GRID1: variants seen among roughly 807,000 people sequenced by gnomAD.
GRID1 encodes glutamate ionotropic receptor delta type subunit 1, also known as glutamate receptor ionotropic, delta-1.
GRID1 carries 28 observed loss-of-function variants against 98.0 expected under a neutral mutation model. That is an observed-to-expected ratio of 0.29 (90% CI 0.21 to 0.39). The LOEUF is 0.39. Among genes scored for constraint, GRID1 ranks in the 10% least tolerant of loss-of-function variants. GRID1 has a pLI of 1.00. For synonymous variants in GRID1, 553 were observed against 538.5 expected (o/e 1.03, Z -0.37); for missense variants, 1,111 against 1,340.5 (o/e 0.83, Z 2.67).
At chr10:85,716,866 T>C (rs1194264412) in intron 12 of GRID1, among the ~76,000 whole-genome samples, 1 of 152,092 alleles carries the variant, frequency 6.6e-6, no homozygotes, top group East Asian at 1.9e-4. Context: ...AGACACATAC[T>C]GAATGCTCTC....
At chr10:85,844,317 G>A (rs1372269854) in intron 8 of GRID1, among the ~76,000 whole-genome samples, 1 of 151,964 alleles carries the variant, frequency 6.6e-6, no homozygotes, top group Non-Finnish European at 1.5e-5. Context: ...GGTCATAAAA[G>A]AGAAAATGGG....
At chr10:86,250,148 G>A (rs1449815522) in intron 2 of GRID1, among the ~76,000 whole-genome samples, 3 of 152,156 alleles carry the variant, frequency 2.0e-5, no homozygotes, top group African/African-American at 4.8e-5. Context: ...ATAAAGAAGA[G>A]GCAAAGGCAA....
intron 2 of GRID1, among the ~76,000 whole-genome samples, chr10:86,267,735 G>T (rs1478898151): frequency 6.6e-6 from 1 of 152,116 alleles, no homozygotes; most frequent in East Asian, 1.9e-4. Context: ...CTTACTCCTG[G>T]CCCTGCCCAG....
chr10:85,706,849 C>A (rs1268573409), intron 12 of GRID1, among the ~76,000 whole-genome samples: 1 of 152,126 alleles, frequency 6.6e-6, no homozygotes, highest in African/African-American at 2.4e-5. Context: ...CTGACAAAAA[C>A]AAGTAATGGG....
chr10:86,187,343 A>T (rs1845739398), intron 3 of GRID1, among the ~76,000 whole-genome samples: 2 of 152,206 alleles, frequency 1.3e-5, no homozygotes, highest in African/African-American at 4.8e-5. Context: ...TATGATGTAG[A>T]CGCCTACAGG....
At chr10:85,756,978 C>T (rs975625836) in intron 8 of GRID1, among the ~76,000 whole-genome samples, 1 of 152,148 alleles carries the variant, frequency 6.6e-6, no homozygotes, top group Non-Finnish European at 1.5e-5. Context: ...GATTAATGAC[C>T]GCCTTTTGGA....
chr10:85,647,803 C>T (rs1843215487), intron 12 of GRID1: 1 of 159,970 alleles, frequency 6.3e-6, no homozygotes. Context: ...ATCTCCAACT[C>T]AGACGCCTGC....
chr10:85,754,736 AGGCT>A (rs967595966), intron 8 of GRID1, among the ~76,000 whole-genome samples: 21 of 152,272 alleles, frequency 1.4e-4, no homozygotes, highest in Middle Eastern at 3.4e-3. Flanking sequence ...TAATAAATAG[AGGCT>A]GGGTTTGGGG....
chr10:85,895,492 A>G (rs1159716973), intron 5 of GRID1, among the ~76,000 whole-genome samples: 1 of 151,998 alleles, frequency 6.6e-6, no homozygotes, highest in Non-Finnish European at 1.5e-5. Context: ...ATCACCTTGG[A>G]CTCTAAGCCA....
At chr10:85,761,365 T>C (rs1293480660) in intron 8 of GRID1, among the ~76,000 whole-genome samples, 1 of 152,160 alleles carries the variant, frequency 6.6e-6, no homozygotes, top group African/African-American at 2.4e-5. Context: ...GAGGAGAAAT[T>C]GACTCCTGGA....
chr10:85,770,113 C>T (rs2132709522), intron 8 of GRID1, among the ~76,000 whole-genome samples: 1 of 152,314 alleles, frequency 6.6e-6, no homozygotes, highest in Non-Finnish European at 1.5e-5. Context: ...CGGCCGGGTA[C>T]TCCTCTGAAA....
At chr10:85,833,828 C>G (rs1842890480) in intron 8 of GRID1, among the ~76,000 whole-genome samples, 1 of 150,294 alleles carries the variant, frequency 6.7e-6, no homozygotes, top group African/African-American at 2.5e-5. Flanking sequence ...TATAGAATAA[C>G]TAAAACGAAA....
intron 3 of GRID1, among the ~76,000 whole-genome samples, chr10:86,200,305 T>C (rs1247104122): frequency 6.6e-6 from 1 of 152,200 alleles, no homozygotes; most frequent in African/African-American, 2.4e-5. Flanking sequence ...AGGAAGCTCT[T>C]CCTAACCACC....
chr10:85,745,777 A>G (rs1169284686), intron 8 of GRID1, among the ~76,000 whole-genome samples: 2 of 152,124 alleles, frequency 1.3e-5, no homozygotes, highest in Non-Finnish European at 1.5e-5. Flanking sequence ...GGTTAGACAA[A>G]ATGGGTTAGA....
chr10:85,603,997 A>G (rs1302197534), intron 15 of GRID1, among the ~76,000 whole-genome samples: 1 of 152,190 alleles, frequency 6.6e-6, no homozygotes, highest in Non-Finnish European at 1.5e-5. Context: ...GACTGCTTTG[A>G]GCTTCTGTGG....
At chr10:85,723,799 C>A (rs1483662793) in intron 11 of GRID1, among the ~76,000 whole-genome samples, 1 of 152,216 alleles carries the variant, frequency 6.6e-6, no homozygotes, top group Non-Finnish European at 1.5e-5. Flanking sequence ...CATAACCTCA[C>A]AAAGCATTTG....
intron 2 of GRID1, among the ~76,000 whole-genome samples, chr10:86,343,493 A>G (rs1234817338): frequency 6.6e-6 from 1 of 152,262 alleles, no homozygotes; most frequent in Admixed American, 6.5e-5. Flanking sequence ...ATTAGAACAC[A>G]TAGGTACCAT....
At chr10:86,331,529 T>C (rs772449470) in intron 2 of GRID1, among the ~76,000 whole-genome samples, 50 of 151,720 alleles carry the variant, frequency 3.3e-4, no homozygotes, top group Non-Finnish European at 6.8e-4. Context: ...AGGGCTGGAG[T>C]CAACACAGTG....
chr10:86,076,756 C>T (rs1046949080), intron 4 of GRID1, among the ~76,000 whole-genome samples: 5 of 136,988 alleles, frequency 3.6e-5, no homozygotes, highest in African/African-American at 5.4e-5. Context: ...AGGATTGGTT[C>T]CTTCTGAGGG....
Sources: gnomAD v4.1 joint callset for allele counts (sites outside exome capture counted in the v4.1 genomes callset) on GRCh38, gnomAD v4.1.1 for gene constraint, MANE v1.5 for transcripts, NCBI Gene and HGNC (gene_info 2026-07-23, HGNC 2026-07-21) for gene names.